ADARB2: variants seen among roughly 807,000 people sequenced by gnomAD.
The protein encoded by ADARB2 is inactive double-stranded RNA-specific editase B2.
Under a neutral mutation model 62.2 loss-of-function variants are expected in ADARB2, and 25 were observed. The observed-to-expected ratio is 0.40, with a 90% CI of 0.29 to 0.56. The LOEUF is 0.56. ADARB2 is among the 20% of genes least tolerant of loss of function. The pLI is 0.43. For missense variants in ADARB2, 1,071 were observed against 1,077.4 expected (o/e 0.99, Z 0.08); for synonymous variants, 572 against 500.8 (o/e 1.14, Z -1.90).
intron 1 of ADARB2, among the ~76,000 whole-genome samples, chr10:1,558,370 C>CT (rs1832736509): frequency 7.9e-6 from 1 of 127,070 alleles, no homozygotes; most frequent in Non-Finnish European, 1.6e-5. Context: ...GCTCAGCCCC[C>CT]GCATGCTCCA....
At chr10:1,675,481 G>C (rs996798833) in intron 1 of ADARB2, 7 of 963,034 alleles carry the variant, frequency 7.3e-6, no homozygotes, top group Non-Finnish European at 7.4e-6. Context: ...GGGTTTGGGG[G>C]TACATGGATG....
intron 3 of ADARB2, among the ~76,000 whole-genome samples, chr10:1,355,782 C>T (rs1051134342): frequency 1.3e-5 from 2 of 152,272 alleles, no homozygotes; most frequent in Non-Finnish European, 1.5e-5. Context: ...AAATGTATAT[C>T]GTACATTGCA....
chr10:1,613,567 C>G (rs537211463), intron 1 of ADARB2, among the ~76,000 whole-genome samples: 1 of 152,166 alleles, frequency 6.6e-6, no homozygotes, highest in Non-Finnish European at 1.5e-5. Context: ...TGCTCATTTT[C>G]GTGAATGCAG....
intron 1 of ADARB2, among the ~76,000 whole-genome samples, chr10:1,468,548 G>C (rs112046342): frequency 2.0e-5 from 3 of 152,176 alleles, no homozygotes; most frequent in Non-Finnish European, 4.4e-5. Context: ...ATCCCCCAGC[G>C]CTGCTATCCA....
chr10:1,319,608 A>G (rs975390663), intron 3 of ADARB2, among the ~76,000 whole-genome samples: 3 of 152,152 alleles, frequency 2.0e-5, no homozygotes, highest in African/African-American at 7.2e-5. Context: ...CTTATATCAG[A>G]ACTTGAAAAG....
intron 1 of ADARB2, chr10:1,394,800 G>T: frequency 4.4e-6 from 2 of 456,486 alleles, no homozygotes; most frequent in Middle Eastern, 3.3e-4. Flanking sequence ...GCGTCTAAGG[G>T]GAGGAGCTGC....
chr10:1,566,861 C>T (rs1832866631), intron 1 of ADARB2, among the ~76,000 whole-genome samples: 1 of 152,128 alleles, frequency 6.6e-6, no homozygotes, highest in Non-Finnish European at 1.5e-5. Flanking sequence ...ATTCTAACAT[C>T]TGGCTAAAGC....
chr10:1,658,535 T>A (rs1203181564), intron 1 of ADARB2, among the ~76,000 whole-genome samples: 1 of 152,190 alleles, frequency 6.6e-6, no homozygotes, highest in East Asian at 1.9e-4. Flanking sequence ...TTCGCGTCTC[T>A]CTCTGTCTCT....
rs185708791 is a variant in ADARB2 at position 1,682,186 on chromosome 10, A to G, written c.100+54865T>C. 3.7e-4 allele frequency among the ~76,000 whole-genome samples: 57 copies of G among 152,324 alleles called. 1 individual carries two copies. The East Asian group carries it at 9.8e-3, about 26-fold the overall frequency. Reference sequence around the variant, plus strand: ...AATCATGAATGAGAGCTCCACAAAGATGGAAGAACATGGAGGAATAAGAGA... The same window carrying G: ...AATCATGAATGAGAGCTCCACAAAGGTGGAAGAACATGGAGGAATAAGAGA... On this transcript the variant is annotated intron_variant, in intron 1 of 9. Coordinates refer to ENST00000381312, the MANE Select transcript of ADARB2 (RefSeq NM_018702.4).
intron 1 of ADARB2, among the ~76,000 whole-genome samples, chr10:1,563,568 A>T (rs1004146592): frequency 6.6e-6 from 1 of 152,240 alleles, no homozygotes; most frequent in African/African-American, 2.4e-5. Flanking sequence ...TGGAACAAAC[A>T]GAAGGCTGAC....
In ADARB2 at chr10:1,501,644, A is replaced by G. The variant is rs2063940; in HGVS notation, c.101-122484T>C. Among the ~76,000 whole-genome samples, 1,275 of 152,336 alleles carry G rather than the reference A, an allele frequency of 8.4e-3. 24 individuals carry two copies. The highest frequency in any genetic ancestry group is 0.029 in the African/African-American group (1,226 of 41,574). On this transcript the variant is annotated intron_variant, in intron 1 of 9. Coordinates refer to ENST00000381312, the MANE Select transcript of ADARB2 (RefSeq NM_018702.4). ...GAAAGCAATTCCACAGAGGGGCCCA[A>G]TCAAAACAGCTCGAATATATTGCTC...
chr10:1,684,030 AT>A (rs1834571881), intron 1 of ADARB2, among the ~76,000 whole-genome samples: 1 of 152,232 alleles, frequency 6.6e-6, no homozygotes, highest in African/African-American at 2.4e-5. Context: ...TGTGATCACA[AT>A]GAGACAATGA....
chr10:1,724,784 G>T (rs1835142577), intron 1 of ADARB2, among the ~76,000 whole-genome samples: 1 of 152,174 alleles, frequency 6.6e-6, no homozygotes, highest in Non-Finnish European at 1.5e-5. Context: ...TGTAACCTAG[G>T]GTGGGGGCCA....
chr10:1,734,450 G>A (rs1427791581), intron 1 of ADARB2, among the ~76,000 whole-genome samples: 1 of 152,020 alleles, frequency 6.6e-6, no homozygotes, highest in Non-Finnish European at 1.5e-5. Context: ...GGTAGCCCCG[G>A]CATGCTTTAT....
intron 1 of ADARB2, among the ~76,000 whole-genome samples, chr10:1,421,204 C>T (rs545672902): frequency 5.2e-4 from 79 of 152,012 alleles, no homozygotes; most frequent in African/African-American, 1.8e-3. Flanking sequence ...TGCACTGGAG[C>T]GTTACAGTCA....
chr10:1,266,045 G>A (rs1453602147), intron 4 of ADARB2, among the ~76,000 whole-genome samples: 11 of 139,000 alleles, frequency 7.9e-5, no homozygotes, highest in Non-Finnish European at 1.6e-4. Context: ...CCCGGAAGAC[G>A]GCCTGAGCCA....
At chr10:1,499,661 C>CTCG (rs1831740015) in intron 1 of ADARB2, among the ~76,000 whole-genome samples, 2 of 151,910 alleles carry the variant, frequency 1.3e-5, no homozygotes, top group African/African-American at 2.4e-5. Context: ...TCACTCATTA[C>CTCG]TCGTCACTCA....
intron 1 of ADARB2, among the ~76,000 whole-genome samples, chr10:1,712,428 T>TG (rs1321303758): frequency 2.5e-4 from 38 of 151,472 alleles, no homozygotes; most frequent in South Asian, 8.4e-4. Context: ...CAGAATATAC[T>TG]GCTTTTTTTT....
chr10:1,533,936 A>G (rs1832285373), intron 1 of ADARB2, among the ~76,000 whole-genome samples: 1 of 151,846 alleles, frequency 6.6e-6, no homozygotes, highest in Non-Finnish European at 1.5e-5. Context: ...ATTTTTGTAA[A>G]TAATTTTCTG....
Sources: allele counts gnomAD v4.1 joint callset (sites outside exome capture counted in the v4.1 genomes callset), GRCh38; gene constraint gnomAD v4.1.1; transcripts MANE v1.5; gene names NCBI Gene and HGNC (gene_info 2026-07-23, HGNC 2026-07-21).